The following CLOCK variants were observed in gnomAD, a reference collection of about 807,000 sequenced individuals.
CLOCK encodes clock circadian regulator, also known as circadian locomoter output cycles protein kaput.
In CLOCK, 43 loss-of-function variants were observed where a neutral mutation model predicts 118.4. That is an observed-to-expected ratio of 0.36 (90% CI 0.28 to 0.47). The LOEUF is 0.47. Ranked by LOEUF, CLOCK falls within the 20% of genes least tolerant of loss-of-function variation. The pLI is 1.00. For missense variants in CLOCK, 846 were observed against 999.9 expected (o/e 0.85, Z 2.08); for synonymous variants, 326 against 339.2 (o/e 0.96, Z 0.43).
chr4:55,461,168 T>C (rs1430919683), intron 9 of CLOCK, among the ~76,000 whole-genome samples: 1 of 152,170 alleles, frequency 6.6e-6, no homozygotes, highest in African/African-American at 2.4e-5. Context: ...GCTCAAGCGA[T>C]CTGCCTGCCT....
chr4:55,496,840 G>A (rs867512509), intron 2 of CLOCK, among the ~76,000 whole-genome samples: 2 of 151,980 alleles, frequency 1.3e-5, no homozygotes, highest in South Asian at 4.1e-4. Flanking sequence ...AGACCTCTAC[G>A]TAAAACAAAG....
Position 55,482,815 on chromosome 4 carries a change from C to T in CLOCK, c.-30G>A. On this transcript the variant is annotated 5_prime_UTR_variant, in exon 4 of 23. The change abolishes an upstream ATG in the 5' untranslated region. Coordinates refer to ENST00000513440, the MANE Select transcript of CLOCK (RefSeq NM_004898.4). ...TACTACGTTTTCGTCTTGTAGTAGACATTTGTACTTCTCCTTAGGTGAAAA... is the reference window on the plus strand; with the variant it reads ...TACTACGTTTTCGTCTTGTAGTAGATATTTGTACTTCTCCTTAGGTGAAAA... 2 of 1,541,864 alleles carry T rather than the reference C, an allele frequency of 1.3e-6. No homozygotes were observed. Among genetic ancestry groups the T allele is most frequent in the South Asian group, 1.2e-5 (1 of 86,556 alleles).
intron 2 of CLOCK, among the ~76,000 whole-genome samples, chr4:55,505,653 G>C (rs1039257473): frequency 4.0e-5 from 6 of 151,842 alleles, no homozygotes; most frequent in Admixed American, 6.6e-5. Flanking sequence ...GACAGAACAA[G>C]ACCTTGTCTC....
intron 8 of CLOCK, among the ~76,000 whole-genome samples, chr4:55,468,738 T>C (rs773216379): frequency 8.5e-5 from 13 of 152,174 alleles, no homozygotes; most frequent in Non-Finnish European, 1.5e-4. Context: ...CTGATTAAAA[T>C]GGAAACGCTA....
intron 22 of CLOCK, among the ~76,000 whole-genome samples, chr4:55,435,991 C>T (rs1466330778): frequency 2.6e-5 from 4 of 152,166 alleles, no homozygotes; most frequent in East Asian, 3.9e-4. Flanking sequence ...CACACAGGTT[C>T]GCTCAGCTGG....
rs1285657366 is a variant in CLOCK at position 55,430,106 on chromosome 4, AC to A, written c.*5308del. On this transcript the variant is annotated 3_prime_UTR_variant, in exon 23 of 23. Transcript: ENST00000513440. ...TACATTTAGCCATTTTTATTCAAGA[AC>A]CCCAGAGAACTGCTTTAAAAGCAAT... The A allele has an allele frequency of 2.0e-5, 3 of 152,168 alleles. No individual in the cohort carries two copies. Among genetic ancestry groups the A allele is most frequent in the African/African-American group, 7.2e-5 (3 of 41,430 alleles). 9.4% of individuals were successfully genotyped at this position (152,168 alleles called of 1,614,324 possible).
At position 55,459,274 on chromosome 4, in the gene CLOCK, A is replaced by C. The variant is rs894445794; in HGVS notation, c.560-13T>G. Reference sequence around the variant, plus strand: ...AACTGATTTTTTGCTGAAATAAAAGAGATTTTAAAAATCACATATTTCTGA... The same window carrying C: ...AACTGATTTTTTGCTGAAATAAAAGCGATTTTAAAAATCACATATTTCTGA... On this transcript the variant is annotated splice_polypyrimidine_tract_variant and intron_variant, in intron 9 of 22. Transcript: ENST00000513440. The C allele has an allele frequency of 2.7e-6, 4 of 1,464,298 alleles. No homozygotes were observed. Among genetic ancestry groups the C allele is most frequent in the Admixed American group, 3.4e-5 (2 of 59,674 alleles). 90.7% of individuals were successfully genotyped at this position (1,464,298 alleles called of 1,614,324 possible). A position where few individuals can be genotyped will look rare whatever the true frequency, so the allele number is the denominator to read the frequency against.
chr4:55,528,736 T>A (rs1730356535), intron 1 of CLOCK, among the ~76,000 whole-genome samples: 1 of 152,284 alleles, frequency 6.6e-6, no homozygotes, highest in African/African-American at 2.4e-5. Flanking sequence ...CCTCAATGAC[T>A]AAGCAAGGGC....
chr4:55,450,449 T>C (rs1414327095), intron 15 of CLOCK, among the ~76,000 whole-genome samples: 7 of 152,156 alleles, frequency 4.6e-5, no homozygotes, highest in Non-Finnish European at 8.8e-5. Flanking sequence ...AAGAATGAAG[T>C]TGGAATCTCT....
chr4:55,472,649 A>G (rs1416067138), intron 7 of CLOCK, among the ~76,000 whole-genome samples: 1 of 152,188 alleles, frequency 6.6e-6, no homozygotes, highest in Non-Finnish European at 1.5e-5. Flanking sequence ...CTTGCAGTAT[A>G]TAATTTATAG....
intron 3 of CLOCK, among the ~76,000 whole-genome samples, chr4:55,484,726 A>C (rs1029234527): frequency 5.3e-5 from 8 of 152,132 alleles, no homozygotes; most frequent in African/African-American, 1.9e-4. Context: ...TAATTATCAA[A>C]AGGTAGAAAA....
In CLOCK at chr4:55,524,111, G is replaced by A. The variant is rs763422977; in HGVS notation, c.-289-14046C>T. Among the ~76,000 whole-genome samples, 9 of 152,000 alleles carry A rather than the reference G, an allele frequency of 5.9e-5. No individual in the cohort carries two copies. The South Asian group carries it at 1.2e-3, about 21-fold the overall frequency. ...CATCAGAAAATATTCATACCCGGCC[G>A]GGCATAGCAGCTGATGTTTGTAATC... On this transcript the variant is annotated intron_variant, in intron 1 of 22. Coordinates refer to ENST00000513440, the MANE Select transcript of CLOCK (RefSeq NM_004898.4).
chr4:55,468,513 G>A (rs527777369), intron 8 of CLOCK, among the ~76,000 whole-genome samples: 6 of 151,962 alleles, frequency 3.9e-5, no homozygotes, highest in Non-Finnish European at 8.8e-5. Context: ...CTATCCTTCT[G>A]GTCATATAGA....
In CLOCK at chr4:55,478,673, G is replaced by T; in HGVS notation, c.256+142C>A. Reference sequence around the variant, plus strand: ...ATAAATGTTTGTTGAATGAAAGAATGAACATATTAGGAAACCTTTTAAAAT... The same window carrying T: ...ATAAATGTTTGTTGAATGAAAGAATTAACATATTAGGAAACCTTTTAAAAT... On this transcript the variant is annotated intron_variant, in intron 6 of 22. Transcript: ENST00000513440. 2.6e-6 allele frequency: 2 copies of T among 775,314 alleles called. 1 individual carries two copies. Among genetic ancestry groups the T allele is most frequent in the South Asian group, 3.3e-5 (2 of 59,930 alleles). 48.0% of individuals were successfully genotyped at this position (775,314 alleles called of 1,614,324 possible). A position where few individuals can be genotyped will look rare whatever the true frequency, so the allele number is the denominator to read the frequency against.
intron 14 of CLOCK, chr4:55,453,419 G>T: frequency 2.1e-6 from 1 of 480,296 alleles, no homozygotes; most frequent in East Asian, 3.3e-5. Context: ...CCTTTTACAT[G>T]ACTGACATTA....
chr4:55,460,928 CTTTT>C (rs11441195), intron 9 of CLOCK, among the ~76,000 whole-genome samples: 1 of 145,706 alleles, frequency 6.9e-6, no homozygotes, highest in Non-Finnish European at 1.5e-5. Flanking sequence ...CTTTCCTCTC[CTTTT>C]TTTTTTTTTG....
In CLOCK at chr4:55,431,448, C is replaced by CA. The variant is rs1259749359; in HGVS notation, c.*3966dup. The CA allele has an allele frequency of 6.6e-6, 1 of 152,202 alleles. No individual in the cohort carries two copies. The highest frequency in any genetic ancestry group is 1.5e-5 in the Non-Finnish European group (1 of 68,032). 9.4% of individuals were successfully genotyped at this position (152,202 alleles called of 1,614,324 possible). On this transcript the variant is annotated 3_prime_UTR_variant, in exon 23 of 23. Transcript: ENST00000513440. Reference sequence around the variant, plus strand: ...AGCTCCTTTTAGAAGAAAGCTCACCCAATCCAAACTTAAAAGGTTCTCTTT... The same window carrying CA: ...AGCTCCTTTTAGAAGAAAGCTCACCCAAATCCAAACTTAAAAGGTTCTCTTT...
intron 9 of CLOCK, among the ~76,000 whole-genome samples, chr4:55,459,689 G>T (rs1308514481): frequency 1.3e-5 from 2 of 151,930 alleles, no homozygotes; most frequent in African/African-American, 4.8e-5. Flanking sequence ...TTGAGACAGG[G>T]TCTTGATTTG....
At chr4:55,542,532 T>C (rs1391054889) in intron 1 of CLOCK, among the ~76,000 whole-genome samples, 5 of 151,584 alleles carry the variant, frequency 3.3e-5, no homozygotes, top group Admixed American at 2.0e-4. Context: ...GCAAACTCCA[T>C]CAGCTAAAAA....
Sources: allele counts gnomAD v4.1 joint callset (sites outside exome capture counted in the v4.1 genomes callset), GRCh38; gene constraint gnomAD v4.1.1; transcripts MANE v1.5; gene names NCBI Gene and HGNC (gene_info 2026-07-23, HGNC 2026-07-21).